The following MCF2L variants were observed in gnomAD, a reference collection of about 807,000 sequenced individuals.
MCF2L encodes the protein guanine nucleotide exchange factor DBS.
MCF2L carries 97 observed loss-of-function variants against 153.4 expected under a neutral mutation model. That is an observed-to-expected ratio of 0.63 (90% confidence interval 0.54 to 0.75). The LOEUF (loss-of-function observed/expected upper bound fraction) is 0.75, where lower values mean the gene tolerates loss of function less well. Among genes scored for constraint, MCF2L ranks in the 30% least tolerant of loss-of-function variants. The pLI is 0.00. For synonymous variants in MCF2L, 659 were observed against 632.2 expected (o/e 1.04, Z -0.64); for missense variants, 1,347 against 1,495.2 (o/e 0.90, Z 1.64).
At chr13:112,937,432 G>A (rs2081526339) in intron 2 of MCF2L, among the ~76,000 whole-genome samples, 1 of 152,190 alleles carries the variant, frequency 6.6e-6, no homozygotes, top group African/African-American at 2.4e-5. Context: ...TTGTTTATAA[G>A]CCTTAGGTAA....
At chr13:113,094,843 G>A (rs2035516159) in intron 27 of MCF2L, 1 of 1,087,412 alleles carries the variant, frequency 9.2e-7, no homozygotes, top group Non-Finnish European at 1.3e-6. Context: ...GGGTCTTGGG[G>A]CACAGCCCCA....
chr13:112,942,597 G>A (rs1232845727), intron 2 of MCF2L, among the ~76,000 whole-genome samples: 2 of 151,226 alleles, frequency 1.3e-5, no homozygotes, highest in Non-Finnish European at 2.9e-5. Flanking sequence ...TGACCCTGTG[G>A]GGCTGGACCC....
In MCF2L at chr13:113,088,355, G is replaced by A; in HGVS notation, c.2717G>A (p.Trp906Ter). Reference protein sequence around the residue: ...QAPTPEIKAAWVNEIRKVLTS... With the variant: ...QAPTPEIKAA ...CCAACTCCTGAGATTAAAGCCGCGT[G>A]GGTGAATGAAATTCGGAAAGTGCTG... Residue 906 changes from tryptophan to a stop codon, truncating the protein, a stop_gained, in exon 24 of 30, where the codon TGG becomes TAG. Transcript: ENST00000535094. LOFTEE classifies it high-confidence loss of function. 6.2e-7 allele frequency: 1 copy of A among 1,614,036 alleles called. No homozygotes were observed. Among genetic ancestry groups the A allele is most frequent in the Non-Finnish European group, 8.5e-7 (1 of 1,180,014 alleles).
At chr13:113,063,166 G>A (rs1370618749) in intron 5 of MCF2L, among the ~76,000 whole-genome samples, 1 of 152,222 alleles carries the variant, frequency 6.6e-6, no homozygotes, top group African/African-American at 2.4e-5. Flanking sequence ...ATGAGCTCAG[G>A]CACAACGTGC....
chr13:113,007,969 T>C (rs1330605347), intron 1 of MCF2L, among the ~76,000 whole-genome samples: 2 of 147,432 alleles, frequency 1.4e-5, no homozygotes, highest in African/African-American at 2.5e-5. Context: ...CAGGCTGGAG[T>C]GCAGTGGCAC....
Position 112,983,056 on chromosome 13 carries a change from A to C in MCF2L, c.79+13598A>C, listed in dbSNP as rs1049372474. On this transcript the variant is annotated intron_variant, in intron 1 of 29. Transcript: ENST00000535094. This position sits in a 1 kb window ranked among gnomAD's most constrained non-coding sequence, Gnocchi z 4.0. ...ACTTCCTGATGCCTTTGGGTGTGGAAAGTGGTGGGGGCAGCCAGGCTGGTT... is the reference window on the plus strand; with the variant it reads ...ACTTCCTGATGCCTTTGGGTGTGGACAGTGGTGGGGGCAGCCAGGCTGGTT... 3.3e-5 allele frequency among the ~76,000 whole-genome samples: 5 copies of C among 151,740 alleles called. No homozygotes were observed. Among genetic ancestry groups the C allele is most frequent in the Non-Finnish European group, 7.4e-5 (5 of 67,920 alleles).
At chr13:112,990,476 G>A (rs1420393048) in intron 1 of MCF2L, among the ~76,000 whole-genome samples, 8 of 152,186 alleles carry the variant, frequency 5.3e-5, no homozygotes, top group African/African-American at 1.2e-4. Context: ...TAAACCACCC[G>A]GTGGCCGAGG....
Position 113,066,152 on chromosome 13 carries a change from AC to A in MCF2L, c.865del (p.Gln289ArgfsTer11). On this transcript the variant is annotated frameshift_variant, in exon 8 of 30. Coordinates refer to ENST00000535094, the MANE Select transcript of MCF2L (RefSeq NM_001112732.3). LOFTEE classifies it high-confidence loss of function. ...AGTGTGAACCAGGACCAGCTTGACA[AC>A]CAGGCCACCGTGCAGAGGTGAGGCC... is the stretch of plus-strand genomic sequence containing the variant. Reference protein sequence around the residue: ...EPSVNQDQLDNQATVQRLLAQ... With the variant: ...EPSVNQDQLDXQATVQRLLAQ... 6.2e-7 allele frequency: 1 copy of A among 1,612,430 alleles called. No homozygotes were observed. Among genetic ancestry groups the A allele is most frequent in the South Asian group, 1.1e-5 (1 of 90,988 alleles).
At position 112,993,663 on chromosome 13, in the gene MCF2L, C is replaced by T. The variant is rs565817427; in HGVS notation, c.80-21100C>T. On this transcript the variant is annotated intron_variant, in intron 1 of 29. Transcript: ENST00000535094. This position sits in a 1 kb window ranked among gnomAD's most constrained non-coding sequence, Gnocchi z 4.6. ...CGAGAAGTCATCGTCAATGGCCCCA[C>T]GATGTCAGGCTTGGAATTTGGGGTG... Among the ~76,000 whole-genome samples the T allele has an allele frequency of 6.6e-6, 1 of 152,028 alleles. No homozygotes were observed. The highest frequency in any genetic ancestry group is 6.5e-5 in the Admixed American group (1 of 15,270).
chr13:113,084,428 C>G, intron 18 of MCF2L: 1 of 341,062 alleles, frequency 2.9e-6, no homozygotes. Context: ...TGCCTTAAAA[C>G]CTTCTGTGCC....
intron 3 of MCF2L, among the ~76,000 whole-genome samples, chr13:113,041,994 C>G (rs2086524587): frequency 6.6e-6 from 1 of 152,172 alleles, no homozygotes; most frequent in Non-Finnish European, 1.5e-5. Flanking sequence ...ATAGCACCAG[C>G]CTCACGGGAT....
rs146786115 is a variant in MCF2L at position 113,026,635 on chromosome 13, G to A, written c.278+1877G>A. On this transcript the variant is annotated intron_variant, in intron 3 of 29. Transcript: ENST00000535094. ...TTAATGCCGAGGAGCCCATCTGCAC[G>A]GGACCTGATGCTCATGGGAGCAGAG... is the stretch of plus-strand genomic sequence containing the variant. 4.0e-3 allele frequency among the ~76,000 whole-genome samples: 604 copies of A among 152,324 alleles called. 5 individuals carry two copies. The highest frequency in any genetic ancestry group is 0.014 in the African/African-American group (567 of 41,574).
rs377617411 is a variant in MCF2L at position 113,083,988 on chromosome 13, C to T, written c.1992-10C>T. The T allele has an allele frequency of 6.2e-7, 1 of 1,611,120 alleles. No individual in the cohort carries two copies. Reference sequence around the variant, plus strand: ...GTCTTTCATACTACTTAAAAACCTTCTTTGTCTAGGATATTCCTCAGGGAG... The same window carrying T: ...GTCTTTCATACTACTTAAAAACCTTTTTTGTCTAGGATATTCCTCAGGGAG... On this transcript the variant is annotated splice_polypyrimidine_tract_variant and intron_variant, in intron 17 of 29. Coordinates refer to ENST00000535094, the MANE Select transcript of MCF2L (RefSeq NM_001112732.3).
rs1594816571 is a variant in MCF2L, at chr13:113,046,853, G to T, written c.369+1492G>T. On this transcript the variant is annotated intron_variant, in intron 4 of 29. Coordinates refer to ENST00000535094, the MANE Select transcript of MCF2L (RefSeq NM_001112732.3). This position sits in a 1 kb window ranked among gnomAD's most constrained non-coding sequence, Gnocchi z 4.4. ...GCTTCCAAAAAAGTAGACGTGTATA[G>T]AATCGGTCTTCCTTTGTTTTAACAG... The T allele has an allele frequency of 4.2e-5, 14 of 336,380 alleles. No individual in the cohort carries two copies. Among genetic ancestry groups the T allele is most frequent in the South Asian group, 2.8e-4 (12 of 42,540 alleles). 20.8% of individuals were successfully genotyped at this position (336,380 alleles called of 1,614,324 possible). A position where few individuals can be genotyped will look rare whatever the true frequency, so the allele number is the denominator to read the frequency against.
chr13:113,027,400 G>A lies in MCF2L; in HGVS notation c.278+2642G>A, dbSNP rs2085380229. ...GCTGGAGGAGCAGGGAGCCTCACCG[G>A]TGGGCCTTTCGGGGGCAGGACGTCT... On this transcript the variant is annotated intron_variant, in intron 3 of 29. Transcript: ENST00000535094. The surrounding 1 kb of genome is among the most constrained non-coding windows in gnomAD (Gnocchi z 4.8). 6.6e-6 allele frequency among the ~76,000 whole-genome samples: 1 copy of A among 152,144 alleles called. No homozygotes were observed. The highest frequency in any genetic ancestry group is 1.5e-5 in the Non-Finnish European group (1 of 68,022).
rs556706403 is a variant in MCF2L, at chr13:113,084,741, C to T, written c.2062-151C>T. 16 of 668,826 alleles carry T rather than the reference C, an allele frequency of 2.4e-5. No homozygotes were observed. In the South Asian group the frequency reaches 2.7e-4, roughly 11 times the overall value. The allele number at this position is 668,826 out of a possible 1,614,324, so 41.4% of individuals were successfully genotyped here. ...GGGAGCCAGTGCCGGCCCTCGGAAG[C>T]TATGGGGCCAGCAGCAATGCCTCGC... is the stretch of plus-strand genomic sequence containing the variant. On this transcript the variant is annotated intron_variant, in intron 18 of 29. Transcript: ENST00000535094.
upstream of MCF2L, chr13:112,967,706 T>C (rs923088273): frequency 5.9e-5 from 9 of 153,286 alleles, no homozygotes; most frequent in African/African-American, 2.2e-4. Context: ...CATGTGCCAC[T>C]GGACACCGGG....
At position 113,045,103 on chromosome 13, in the gene MCF2L, G is replaced by C. The variant is rs372779620; in HGVS notation, c.279-168G>C. ...AGATGAGAGCAGGTTCTGGGACTGC[G>C]GGGATGGGGCTGCCGGGGCCCCCGT... On this transcript the variant is annotated intron_variant, in intron 3 of 29. Transcript: ENST00000535094. The surrounding 1 kb of genome is among the most constrained non-coding windows in gnomAD (Gnocchi z 4.2). The C allele has an allele frequency of 3.3e-6, 3 of 915,200 alleles. No individual in the cohort carries two copies. Among genetic ancestry groups the C allele is most frequent in the Non-Finnish European group, 5.1e-6 (3 of 589,574 alleles). The allele number at this position is 915,200 out of a possible 1,614,324, so 56.7% of individuals were successfully genotyped here. A position where few individuals can be genotyped will look rare whatever the true frequency, so the allele number is the denominator to read the frequency against.
At chr13:113,078,513 C>A (rs928647608) in intron 14 of MCF2L, 77 bp downstream of exon 14, 6 of 1,438,782 alleles carry the variant, frequency 4.2e-6, no homozygotes, top group South Asian at 2.4e-5. Flanking sequence ...TCCGTGTGGC[C>A]CCCCCTCCCG....
Sources: allele counts gnomAD v4.1 joint callset (sites outside exome capture counted in the v4.1 genomes callset), GRCh38; gene constraint gnomAD v4.1.1; non-coding constraint Gnocchi (gnomAD v3.1); transcripts MANE v1.5; gene names NCBI Gene and HGNC (gene_info 2026-07-23, HGNC 2026-07-21).